MICAL3: variants seen among roughly 807,000 people sequenced by gnomAD.
MICAL3 encodes the protein [F-actin]-monooxygenase MICAL3.
In MICAL3, 62 loss-of-function variants were observed where a neutral mutation model predicts 207.4. That is an observed-to-expected ratio of 0.30 (90% CI 0.24 to 0.37). The LOEUF (loss-of-function observed/expected upper bound fraction) is 0.37. MICAL3 is among the 10% of genes least tolerant of loss of function. The pLI, the probability that MICAL3 is intolerant of heterozygous loss-of-function variation, is 1.00. For synonymous variants in MICAL3, 1,077 were observed against 1,069.3 expected, an observed-to-expected ratio of 1.01 and a Z score of -0.14; for missense variants, 2,368 against 2,635.6, an observed-to-expected ratio of 0.90 and a Z score of 2.22.
chr22:17,862,771 T>G, intron 19 of MICAL3: 2 of 985,510 alleles, frequency 2.0e-6, no homozygotes, highest in Non-Finnish European at 2.4e-6. Context: ...GATTCTGAGC[T>G]GCCGGACTAA....
chr22:17,876,337 C>T (rs1305588664), intron 16 of MICAL3: 1 of 152,272 alleles, frequency 6.6e-6, no homozygotes, highest in Non-Finnish European at 1.5e-5. Context: ...GTGGGAAGGA[C>T]AGCATTAAGT....
At chr22:17,906,404 TG>T in intron 2 of MICAL3, 144 bp downstream of exon 2, 1 of 1,531,746 alleles carries the variant, frequency 6.5e-7, no homozygotes, top group Non-Finnish European at 9.0e-7. Context: ...ATATGGTCGA[TG>T]GCTCTGGCAC....
chr22:17,976,260 C>A (rs559675851), intron 1 of MICAL3, among the ~76,000 whole-genome samples: 42 of 152,214 alleles, frequency 2.8e-4, no homozygotes, highest in African/African-American at 1.0e-3. Context: ...AAATTCATTT[C>A]TTGCTGTTAA....
At chr22:17,934,671 C>T (rs1933431570) in intron 1 of MICAL3, among the ~76,000 whole-genome samples, 1 of 152,014 alleles carries the variant, frequency 6.6e-6, no homozygotes, top group Admixed American at 6.5e-5. Context: ...TCAAATTGTC[C>T]CCGTTTGCAG....
intron 1 of MICAL3, among the ~76,000 whole-genome samples, chr22:17,909,305 C>T (rs1931964080): frequency 6.6e-6 from 1 of 152,180 alleles, no homozygotes; most frequent in South Asian, 2.1e-4. Flanking sequence ...GGGTGAATCA[C>T]TTGAGGTCAG....
intron 1 of MICAL3, among the ~76,000 whole-genome samples, chr22:18,017,568 C>G (rs1020566564): frequency 6.7e-6 from 1 of 148,832 alleles, no homozygotes; most frequent in African/African-American, 2.4e-5. Flanking sequence ...TTCCCCCACT[C>G]TGTTCCTTTT....
At chr22:18,016,939 C>CAA (rs369867729) in intron 1 of MICAL3, among the ~76,000 whole-genome samples, 6 of 133,724 alleles carry the variant, frequency 4.5e-5, no homozygotes, top group Non-Finnish European at 4.8e-5. Context: ...GACTCTGTCT[C>CAA]AAAAAAAAAA....
At chr22:17,976,845 C>T (rs1602331657) in intron 1 of MICAL3, among the ~76,000 whole-genome samples, 1 of 148,050 alleles carries the variant, frequency 6.8e-6, no homozygotes, top group Admixed American at 6.8e-5. Flanking sequence ...CTTGCTCTGT[C>T]GCCCAGGCTG....
chr22:17,966,562 G>A (rs1047708004), intron 1 of MICAL3, among the ~76,000 whole-genome samples: 4 of 152,188 alleles, frequency 2.6e-5, no homozygotes, highest in African/African-American at 9.7e-5. Flanking sequence ...GATGAGGGTA[G>A]CAGAGGGCTT....
In MICAL3 at chr22:17,900,153, A is replaced by T. The variant is rs1931198190; in HGVS notation, c.848-605T>A. Among the ~76,000 whole-genome samples, 1 of 152,200 alleles carries T rather than the reference A, an allele frequency of 6.6e-6. No homozygotes were observed. The highest frequency in any genetic ancestry group is 2.4e-5 in the African/African-American group (1 of 41,446). On this transcript the variant is annotated intron_variant, in intron 6 of 31. Transcript: ENST00000441493. This position sits in a 1 kb window ranked among gnomAD's most constrained non-coding sequence, Gnocchi z 4.0. ...AAGCCTGAGCTGGAACTCAGGAAGAAGACTACATACTTAAAAGGCCTAAAG... is the reference window on the plus strand; with the variant it reads ...AAGCCTGAGCTGGAACTCAGGAAGATGACTACATACTTAAAAGGCCTAAAG...
At position 17,801,212 on chromosome 22, in the gene MICAL3, G is replaced by A. The variant is rs1365331964; in HGVS notation, c.5650+7632C>T. Among the ~76,000 whole-genome samples the A allele has an allele frequency of 2.2e-4, 11 of 50,328 alleles. 2 individuals carry two copies. The highest frequency in any genetic ancestry group is 3.3e-5 in the Non-Finnish European group (1 of 30,492). The allele number at this position is 50,328 out of a possible 152,430, so 33.0% of individuals were successfully genotyped here. A position where few individuals can be genotyped will look rare whatever the true frequency, so the allele number is the denominator to read the frequency against. On this transcript the variant is annotated intron_variant, in intron 29 of 31. Transcript: ENST00000441493. ...CTGTCGCCCAGGCTGGAGTGCAGTG[G>A]CGGGATCTCGGCTCACTGCAAGCTC... is the stretch of plus-strand genomic sequence containing the variant.
intron 7 of MICAL3, among the ~76,000 whole-genome samples, chr22:17,897,314 T>C (rs1417608217): frequency 1.3e-5 from 2 of 149,714 alleles, no homozygotes; most frequent in African/African-American, 5.0e-5. Context: ...CCCCAGCTAC[T>C]TGGGAAGCTG....
chr22:17,803,477 G>T (rs1299959738), intron 29 of MICAL3: 1 of 151,842 alleles, frequency 6.6e-6, no homozygotes, highest in African/African-American at 2.4e-5. Flanking sequence ...AGCAGTGAGG[G>T]ATGAGATTCA....
At chr22:17,876,531 C>T (rs971687426) in intron 16 of MICAL3, 2 of 152,274 alleles carry the variant, frequency 1.3e-5, no homozygotes, top group Non-Finnish European at 2.9e-5. Context: ...GCAACACAGG[C>T]CCCAGAGGGA....
chr22:17,877,180 GGGAAGTTATGGAGGTTAGGGAGGTTAT>G (rs1928702790), intron 16 of MICAL3, among the ~76,000 whole-genome samples: 11 of 38,626 alleles, frequency 2.8e-4, no homozygotes, highest in East Asian at 7.5e-4. Flanking sequence ...AGGGAGGTTA[GGGAAGTTATGGAGGTTAGGGAGGTTAT>G]GGAGGTTATG....
chr22:17,873,829 C>A (rs1927971864), intron 16 of MICAL3, among the ~76,000 whole-genome samples: 1 of 152,236 alleles, frequency 6.6e-6, no homozygotes, highest in Non-Finnish European at 1.5e-5. Context: ...TAGAGACTCC[C>A]ACGATCAAAT....
chr22:17,981,531 T>C (rs538756551), intron 1 of MICAL3, among the ~76,000 whole-genome samples: 42 of 152,342 alleles, frequency 2.8e-4, no homozygotes, highest in African/African-American at 9.4e-4. Context: ...TTTTCATCAC[T>C]TTCTCAATGA....
rs780712870 is a variant in MICAL3, at chr22:17,841,949, C to T, written c.2674G>A (p.Glu892Lys). 3 of 1,605,986 alleles carry T rather than the reference C, an allele frequency of 1.9e-6. No individual in the cohort carries two copies. Among genetic ancestry groups the T allele is most frequent in the Non-Finnish European group, 1.7e-6 (2 of 1,178,204 alleles). ...KRLRGTPERI[E>K]LENYRLSLRQ... ...AGGGACAGGCGGTAGTTCTCCAGCT[C>T]GATCCGCTCTGGGGTGCCCCTCAGT... Residue 892 changes from glutamate (E) to lysine (K), a missense_variant, in exon 20 of 32, where the codon GAG becomes AAG. This residue lies in a region of MICAL3 where 1,770 missense variants were observed against 1,863.2 expected (regional missense o/e 0.95). Transcript: ENST00000441493. The surrounding 1 kb of genome is among the most constrained non-coding windows in gnomAD (Gnocchi z 4.2).
Position 17,902,762 on chromosome 22 carries a change from A to C in MICAL3, c.473-15T>G. 2 of 1,509,246 alleles carry C rather than the reference A, an allele frequency of 1.3e-6. No homozygotes were observed. The highest frequency in any genetic ancestry group is 9.1e-7 in the Non-Finnish European group (1 of 1,098,602). The allele number at this position is 1,509,246 out of a possible 1,614,324, so 93.5% of individuals were successfully genotyped here. A position where few individuals can be genotyped will look rare whatever the true frequency, so the allele number is the denominator to read the frequency against. ...CTGACGGATACCTGGGAGAATACAG[A>C]GATGACGTTGATGGGAACACATGGA... On this transcript the variant is annotated splice_polypyrimidine_tract_variant and intron_variant, in intron 3 of 31. Coordinates refer to ENST00000441493, the MANE Select transcript of MICAL3 (RefSeq NM_015241.3). This position sits in a 1 kb window ranked among gnomAD's most constrained non-coding sequence, Gnocchi z 4.5.
Sources: allele counts gnomAD v4.1 joint callset (sites outside exome capture counted in the v4.1 genomes callset), GRCh38; gene constraint gnomAD v4.1.1; regional missense constraint gnomAD v4.1.1; non-coding constraint Gnocchi (gnomAD v3.1); transcripts MANE v1.5; gene names NCBI Gene and HGNC (gene_info 2026-07-23, HGNC 2026-07-21).